Variants in HS6ST3 observed in about 807,000 individuals in gnomAD.
HS6ST3 encodes heparan-sulfate 6-O-sulfotransferase 3.
Under a neutral mutation model 36.7 loss-of-function variants are expected in HS6ST3, and 12 were observed. The ratio of observed to expected loss-of-function variants is 0.33; its 90% CI spans 0.21 to 0.53. HS6ST3 has a LOEUF of 0.53. Among genes scored for constraint, HS6ST3 ranks in the 20% least tolerant of loss-of-function variants. HS6ST3 has a pLI of 0.95. For missense variants in HS6ST3, 584 were observed against 640.9 expected (o/e 0.91, Z 0.96); for synonymous variants, 240 against 257.5 (o/e 0.93, Z 0.65).
intron 1 of HS6ST3, among the ~76,000 whole-genome samples, chr13:96,388,185 A>G (rs2055377814): frequency 6.6e-6 from 1 of 152,204 alleles, no homozygotes; most frequent in Non-Finnish European, 1.5e-5. Flanking sequence ...TCATGGAGCA[A>G]TTGTGAACAA....
chr13:96,656,180 T>C (rs1184635507), intron 1 of HS6ST3, among the ~76,000 whole-genome samples: 3 of 152,126 alleles, frequency 2.0e-5, no homozygotes, highest in African/African-American at 7.2e-5. Flanking sequence ...ATTTGTAAAA[T>C]GCAAGCAAAA....
chr13:96,496,957 CG>C (rs1566378101), intron 1 of HS6ST3, among the ~76,000 whole-genome samples: 1 of 152,048 alleles, frequency 6.6e-6, no homozygotes, highest in Non-Finnish European at 1.5e-5. Context: ...TGTGCTGCCC[CG>C]GTGGTGGTGC....
intron 1 of HS6ST3, among the ~76,000 whole-genome samples, chr13:96,433,604 G>T (rs2055626942): frequency 4.6e-5 from 7 of 152,166 alleles, no homozygotes. Flanking sequence ...CCATGATTGT[G>T]AGGCTTCCCC....
intron 1 of HS6ST3, among the ~76,000 whole-genome samples, chr13:96,316,299 G>A (rs956242002): frequency 1.5e-5 from 2 of 136,944 alleles, no homozygotes; most frequent in South Asian, 2.3e-4. Context: ...GTGTGTGTGT[G>A]TATGTGTACA....
At chr13:96,609,044 A>ACT (rs1164092929) in intron 1 of HS6ST3, among the ~76,000 whole-genome samples, 1 of 152,142 alleles carries the variant, frequency 6.6e-6, no homozygotes, top group South Asian at 2.1e-4. Flanking sequence ...ATCTCAGCTC[A>ACT]CTGCAAGCTC....
rs1228332409 is a variant in HS6ST3, at chr13:96,832,712, G to C, written c.930G>C (p.Gln310His). ...CCTACAACCTGGCTAACAATCGCCAGGTGCGCATGCTGGCTGACCTCAGCC... is the reference window on the plus strand; with the variant it reads ...CCTACAACCTGGCTAACAATCGCCACGTGCGCATGCTGGCTGACCTCAGCC... ...DCTYNLANNR[Q>H]VRMLADLSLV... Residue 310 changes from glutamine (Q) to histidine (H), a missense_variant, in exon 2 of 2, where the codon CAG (glutamine) becomes CAC (histidine). Gln to His is a conservative substitution (Grantham distance 24, BLOSUM62 0). Coordinates refer to ENST00000376705, the MANE Select transcript of HS6ST3 (RefSeq NM_153456.4). 1 of 1,614,062 alleles carries C rather than the reference G, an allele frequency of 6.2e-7. No individual in the cohort carries two copies. The highest frequency in any genetic ancestry group is 1.7e-5 in the Admixed American group (1 of 60,020).
chr13:96,779,771 A>T (rs866834612), intron 1 of HS6ST3, among the ~76,000 whole-genome samples: 4,556 of 112,380 alleles, frequency 0.041, 235 homozygotes, highest in African/African-American at 0.17. Flanking sequence ...TATTTACTTA[A>T]AAAAAAAAAA....
chr13:96,330,071 T>A (rs1430093750), intron 1 of HS6ST3, among the ~76,000 whole-genome samples: 1 of 146,364 alleles, frequency 6.8e-6, no homozygotes, highest in Non-Finnish European at 1.5e-5. Flanking sequence ...TGAGCCTATG[T>A]GTGTCTCTGC....
intron 1 of HS6ST3, among the ~76,000 whole-genome samples, chr13:96,592,147 G>A (rs929457754): frequency 6.6e-6 from 1 of 152,026 alleles, no homozygotes; most frequent in African/African-American, 2.4e-5. Flanking sequence ...AAGGATAATG[G>A]CCTATAGTTT....
intron 1 of HS6ST3, among the ~76,000 whole-genome samples, chr13:96,707,132 T>G (rs1875448141): frequency 6.6e-6 from 1 of 152,128 alleles, no homozygotes; most frequent in South Asian, 2.1e-4. Flanking sequence ...ATGTTTAAAC[T>G]CTAACCCCTA....
intron 1 of HS6ST3, among the ~76,000 whole-genome samples, chr13:96,335,099 AT>A (rs138873564): frequency 8.0e-4 from 121 of 152,190 alleles, no homozygotes; most frequent in African/African-American, 2.6e-3. Context: ...TCTTGTTGAC[AT>A]GAGGAGGGTG....
intron 1 of HS6ST3, among the ~76,000 whole-genome samples, chr13:96,581,222 A>T (rs571871052): frequency 1.4e-5 from 2 of 142,756 alleles, no homozygotes; most frequent in African/African-American, 2.6e-5. Context: ...AACAACTACT[A>T]TTTTTTTTTT....
chr13:96,097,715 G>A (rs544621934), intron 1 of HS6ST3, among the ~76,000 whole-genome samples: 5 of 152,164 alleles, frequency 3.3e-5, no homozygotes, highest in African/African-American at 7.2e-5. Context: ...GAGCATTCAT[G>A]TATTGGAAGG....
intron 1 of HS6ST3, among the ~76,000 whole-genome samples, chr13:96,805,952 G>T (rs1029006942): frequency 6.6e-6 from 1 of 152,164 alleles, no homozygotes; most frequent in African/African-American, 2.4e-5. Context: ...TAATGCTCTG[G>T]CTTAACCCAA....
At chr13:96,562,539 TA>T (rs1171018519) in intron 1 of HS6ST3, among the ~76,000 whole-genome samples, 2 of 152,078 alleles carry the variant, frequency 1.3e-5, no homozygotes, top group Non-Finnish European at 2.9e-5. Context: ...ATAACAATAA[TA>T]TGCCGAGCAT....
intron 1 of HS6ST3, among the ~76,000 whole-genome samples, chr13:96,802,163 C>T (rs1045885248): frequency 2.0e-5 from 3 of 152,148 alleles, no homozygotes; most frequent in Non-Finnish European, 4.4e-5. Flanking sequence ...AACTGGCTAC[C>T]TATACACCTG....
chr13:96,438,287 G>A, intron 1 of HS6ST3, among the ~76,000 whole-genome samples: 1 of 152,140 alleles, frequency 6.6e-6, no homozygotes, highest in Non-Finnish European at 1.5e-5. Context: ...GCATTTGAAG[G>A]TGTATTACAT....
rs1594692521 is a variant in HS6ST3, at chr13:96,143,120, AT to A, written c.707+51554del. Among the ~76,000 whole-genome samples, 3 of 152,190 alleles carry A rather than the reference AT, an allele frequency of 2.0e-5. No homozygotes were observed. In the East Asian group the frequency reaches 5.8e-4, roughly 29 times the overall value. On this transcript the variant is annotated intron_variant, in intron 1 of 1. Coordinates refer to ENST00000376705, the MANE Select transcript of HS6ST3 (RefSeq NM_153456.4). ...GTAATCAGCAAGTGTTTTTCACTTC[AT>A]TTGAAATGTCTCTGTGGATGAACAC...
intron 1 of HS6ST3, among the ~76,000 whole-genome samples, chr13:96,642,592 T>C (rs2056574159): frequency 6.6e-6 from 1 of 151,920 alleles, no homozygotes; most frequent in South Asian, 2.1e-4. Flanking sequence ...ATTCTTTCTG[T>C]TTCCTACCTA....
Sources: allele counts gnomAD v4.1 joint callset (sites outside exome capture counted in the v4.1 genomes callset), GRCh38; gene constraint gnomAD v4.1.1; transcripts MANE v1.5; gene names NCBI Gene and HGNC (gene_info 2026-07-23, HGNC 2026-07-21).